ZC3H12B: variants seen among roughly 807,000 people sequenced by gnomAD.
The protein encoded by ZC3H12B is probable ribonuclease ZC3H12B.
ZC3H12B carries 7 observed loss-of-function variants against 43.9 expected under a neutral mutation model. The ratio of observed to expected loss-of-function variants is 0.16; its 90% CI spans 0.09 to 0.30. The LOEUF is 0.30. Among genes scored for constraint, ZC3H12B ranks in the 10% least tolerant of loss-of-function variants. ZC3H12B has a pLI of 1.00. For synonymous variants in ZC3H12B, 222 were observed against 241.7 expected, an observed-to-expected ratio of 0.92 and a Z score of 0.76; for missense variants, 475 against 670.2, an observed-to-expected ratio of 0.71 and a Z score of 3.22.
chrX:65,501,401 C>G (rs2068365577), intron 4 of ZC3H12B, among the ~76,000 whole-genome samples: 1 of 109,073 alleles, frequency 9.2e-6, no homozygotes, highest in African/African-American at 3.4e-5. Flanking sequence ...CAGACGTGCA[C>G]CACCATGCCC....
At chrX:65,092,328 T>C in the ZC3H12B span, among the ~76,000 whole-genome samples, 20 of 111,617 alleles carry the variant, frequency 1.8e-4, no homozygotes, top group Admixed American at 1.7e-3. Flanking sequence ...AGTGGGGCAT[T>C]GTTATGGAGA....
At chrX:65,330,939 A>G in the ZC3H12B span, 9 of 303,940 alleles carry the variant, frequency 3.0e-5, no homozygotes, top group East Asian at 8.0e-4. Flanking sequence ...TCTGTTACAC[A>G]CAAGATGTCT....
intron 3 of ZC3H12B, among the ~76,000 whole-genome samples, chrX:65,399,710 A>G (rs1220188994): frequency 8.9e-6 from 1 of 112,285 alleles, no homozygotes; most frequent in Non-Finnish European, 1.9e-5. Context: ...AAATCAGTAT[A>G]TCAAAAATAT....
At chrX:65,224,567 G>A in the ZC3H12B span, among the ~76,000 whole-genome samples, 5 of 112,730 alleles carry the variant, frequency 4.4e-5, no homozygotes, top group African/African-American at 9.7e-5. Flanking sequence ...AAAGCAGGGC[G>A]AGGCATTGCC....
the ZC3H12B span, among the ~76,000 whole-genome samples, chrX:65,297,995 C>A: frequency 1.2e-4 from 13 of 111,828 alleles, no homozygotes; most frequent in South Asian, 4.9e-3. Flanking sequence ...TAAAAATCAA[C>A]CCGAGATGGA....
At chrX:65,488,843 G>T in exon 1 of ZC3H12B, 1 of 1,206,328 alleles carries the variant, frequency 8.3e-7, no homozygotes, top group Non-Finnish European at 1.1e-6. Context: ...AAATGGAGAA[G>T]AGTGCCTCCA....
rs1456878427 is a variant in ZC3H12B at position 65,494,981 on chromosome X, T to C, written c.609-2151T>C. Among the ~76,000 whole-genome samples, 7 of 111,099 alleles carry C rather than the reference T, an allele frequency of 6.3e-5. No individual in the cohort carries two copies. In the Admixed American group the frequency reaches 6.7e-4, roughly 11 times the overall value. On this transcript the variant is annotated intron_variant, in intron 1 of 4. Transcript: ENST00000338957. Reference sequence around the variant, plus strand: ...TGGCAATTCTGATAATTTTCCCAAGTTCTGTTATTCTTTATACTTACCAGC... The same window carrying C: ...TGGCAATTCTGATAATTTTCCCAAGCTCTGTTATTCTTTATACTTACCAGC...
chrX:65,077,868 A>G, the ZC3H12B span, among the ~76,000 whole-genome samples: 1 of 112,138 alleles, frequency 8.9e-6, no homozygotes, highest in African/African-American at 3.2e-5. Flanking sequence ...TTAGGTTGCT[A>G]ACTCATATAG....
At chrX:65,114,576 A>G in the ZC3H12B span, among the ~76,000 whole-genome samples, 1 of 110,779 alleles carries the variant, frequency 9.0e-6, no homozygotes, top group Non-Finnish European at 1.9e-5. Flanking sequence ...TGCAGGTTTT[A>G]TAGTCACATC....
intron 3 of ZC3H12B, among the ~76,000 whole-genome samples, chrX:65,418,293 A>T (rs994539418): frequency 9.0e-6 from 1 of 111,567 alleles, no homozygotes; most frequent in South Asian, 3.8e-4. Flanking sequence ...CAATGCTCTA[A>T]TGGAGGAATT....
At chrX:65,250,923 C>T in the ZC3H12B span, among the ~76,000 whole-genome samples, 2 of 111,648 alleles carry the variant, frequency 1.8e-5, no homozygotes, top group Non-Finnish European at 3.8e-5. Flanking sequence ...TTTTGCTGTG[C>T]AGAAGCTCTT....
the ZC3H12B span, among the ~76,000 whole-genome samples, chrX:65,218,085 A>C: frequency 8.9e-6 from 1 of 112,429 alleles, no homozygotes; most frequent in African/African-American, 3.2e-5. Flanking sequence ...AGTAACATAT[A>C]AAGGGACTCT....
intron 3 of ZC3H12B, among the ~76,000 whole-genome samples, chrX:65,401,191 A>G (rs757244496): frequency 9.0e-6 from 1 of 111,482 alleles, no homozygotes; most frequent in African/African-American, 3.3e-5. Context: ...TAGAAAAAAC[A>G]TTCCTGAATC....
At chrX:65,232,589 A>C in the ZC3H12B span, among the ~76,000 whole-genome samples, 2 of 111,910 alleles carry the variant, frequency 1.8e-5, no homozygotes, top group African/African-American at 6.5e-5. Flanking sequence ...AGCAAAAATT[A>C]TAATAAATTC....
the ZC3H12B span, among the ~76,000 whole-genome samples, chrX:65,355,439 T>TA: frequency 8.9e-6 from 1 of 112,020 alleles, no homozygotes; most frequent in Non-Finnish European, 1.9e-5. Flanking sequence ...ATGCTTCATA[T>TA]AAAAGCATTG....
chrX:65,400,058 G>A (rs920091535), intron 3 of ZC3H12B, among the ~76,000 whole-genome samples: 1 of 111,308 alleles, frequency 9.0e-6, no homozygotes, highest in African/African-American at 3.3e-5. Flanking sequence ...TAGGGAAAAT[G>A]GGGATAGTTA....
In ZC3H12B at chrX:65,443,628, G is replaced by GACAC. The variant is rs779962372; in HGVS notation, n.407+44926_407+44929dup. 2.7e-5 allele frequency among the ~76,000 whole-genome samples: 3 copies of GACAC among 112,944 alleles called. No individual in the cohort carries two copies. The East Asian group carries it at 8.4e-4, about 31-fold the overall frequency. Reference sequence around the variant, plus strand: ...AATTGCAGCAGGAACATGCCCTTAAGACACAGATCACTCAGGCTTTTGTTT... The same window carrying GACAC: ...AATTGCAGCAGGAACATGCCCTTAAGACACACACAGATCACTCAGGCTTTTGTTT... On this transcript the variant is annotated intron_variant and non_coding_transcript_variant, in intron 3 of 5. Coordinates refer to the ZC3H12B transcript ENST00000617377.
At chrX:65,341,823 C>T in the ZC3H12B span, among the ~76,000 whole-genome samples, 6 of 110,652 alleles carry the variant, frequency 5.4e-5, no homozygotes, top group Non-Finnish European at 1.1e-4. Flanking sequence ...GGATAATAAC[C>T]AATGAACATC....
At chrX:65,062,797 A>G in the ZC3H12B span, among the ~76,000 whole-genome samples, 1 of 111,903 alleles carries the variant, frequency 8.9e-6, no homozygotes. Flanking sequence ...ATGAGCATGG[A>G]ATGTTTTTCC....
Sources: allele counts gnomAD v4.1 joint callset (sites outside exome capture counted in the v4.1 genomes callset), GRCh38; gene constraint gnomAD v4.1.1; transcripts MANE v1.5; gene names NCBI Gene and HGNC (gene_info 2026-07-23, HGNC 2026-07-21).